NLGN1: variants seen among roughly 807,000 people sequenced by gnomAD.
NLGN1 encodes neuroligin 1, also known as neuroligin-1.
In NLGN1, 12 loss-of-function variants were observed where a neutral mutation model predicts 65.5. The observed-to-expected ratio is 0.18, with a 90% confidence interval of 0.12 to 0.30. The LOEUF (loss-of-function observed/expected upper bound fraction) is 0.30. NLGN1 is among the 10% of genes least tolerant of loss of function. The pLI is 1.00. For missense variants in NLGN1, 750 were observed against 1,007.1 expected, an observed-to-expected ratio of 0.74 and a Z score of 3.46; for synonymous variants, 350 against 359.5, an observed-to-expected ratio of 0.97 and a Z score of 0.30.
intron 3 of NLGN1, among the ~76,000 whole-genome samples, chr3:173,736,604 G>T (rs9881142): frequency 0.021 from 3,125 of 151,864 alleles, 110 homozygotes; most frequent in African/African-American, 0.072. Flanking sequence ...CATCTTTTTA[G>T]AAGGGAGGCT....
intron 2 of NLGN1, among the ~76,000 whole-genome samples, chr3:173,582,122 G>T (rs998680274): frequency 6.6e-6 from 1 of 151,848 alleles, no homozygotes; most frequent in African/African-American, 2.4e-5. Flanking sequence ...GCATCTTTCC[G>T]CAACATCCTT....
intron 1 of NLGN1, among the ~76,000 whole-genome samples, chr3:173,402,574 T>C (rs1001001312): frequency 6.6e-6 from 1 of 152,146 alleles, no homozygotes; most frequent in Non-Finnish European, 1.5e-5. Context: ...AGTTCAAGGA[T>C]GTCATGGCTC....
intron 3 of NLGN1, among the ~76,000 whole-genome samples, chr3:173,666,191 AAT>A (rs754742169): frequency 4.6e-5 from 7 of 151,108 alleles, no homozygotes; most frequent in Admixed American, 6.6e-5. Context: ...TGTTGTAGTA[AAT>A]ATATATATAT....
intron 2 of NLGN1, among the ~76,000 whole-genome samples, chr3:173,471,784 C>G (rs1297556476): frequency 6.6e-6 from 1 of 152,044 alleles, no homozygotes; most frequent in Non-Finnish European, 1.5e-5. Flanking sequence ...TTTCCAGAAC[C>G]TAAGTGTTAA....
At chr3:173,894,414 T>A (rs933007108) in intron 4 of NLGN1, among the ~76,000 whole-genome samples, 1 of 152,108 alleles carries the variant, frequency 6.6e-6, no homozygotes, top group Non-Finnish European at 1.5e-5. Context: ...GTTTTCAACC[T>A]CCTGGGTTGG....
intron 4 of NLGN1, among the ~76,000 whole-genome samples, chr3:174,195,799 C>A (rs5006286): frequency 0.74 from 111,984 of 151,774 alleles, 41,394 homozygotes; most frequent in East Asian, 0.83. Context: ...GAAAAAAAAA[C>A]TGCCTTCTTC....
intron 4 of NLGN1, among the ~76,000 whole-genome samples, chr3:174,212,184 C>A (rs568776350): frequency 1.5e-4 from 23 of 152,324 alleles, no homozygotes; most frequent in African/African-American, 5.5e-4. Flanking sequence ...TGCTGGGGGA[C>A]CCAGTACACC....
intron 4 of NLGN1, among the ~76,000 whole-genome samples, chr3:174,232,107 G>A (rs1442983149): frequency 2.0e-5 from 3 of 152,162 alleles, no homozygotes; most frequent in Admixed American, 6.5e-5. Context: ...GGGTGCAGGC[G>A]GGCTGAGTCC....
chr3:174,086,215 G>GTATATGTATGTGCACATA (rs1743215958), intron 4 of NLGN1, among the ~76,000 whole-genome samples: 1 of 3,026 alleles, frequency 3.3e-4, no homozygotes, highest in African/African-American at 3.4e-3. Context: ...GCGTGTGTGT[G>GTATATGTATGTGCACATA]TATATTTATG....
intron 2 of NLGN1, among the ~76,000 whole-genome samples, chr3:173,482,044 T>C (rs1727384868): frequency 6.6e-6 from 1 of 152,010 alleles, no homozygotes; most frequent in Non-Finnish European, 1.5e-5. Context: ...AATTTGTTTT[T>C]CAAATCCCTC....
chr3:173,606,045 T>C (rs1216666956), intron 3 of NLGN1, among the ~76,000 whole-genome samples: 1 of 152,092 alleles, frequency 6.6e-6, no homozygotes, highest in Non-Finnish European at 1.5e-5. Context: ...GAACACTCTA[T>C]GGACTTTCTC....
At chr3:173,746,603 A>T (rs1406386605) in intron 3 of NLGN1, among the ~76,000 whole-genome samples, 1 of 152,092 alleles carries the variant, frequency 6.6e-6, no homozygotes, top group African/African-American at 2.4e-5. Context: ...CACTAGATTA[A>T]GTCTGATTTG....
intron 3 of NLGN1, among the ~76,000 whole-genome samples, chr3:173,727,949 T>C (rs561925250): frequency 6.6e-6 from 1 of 152,210 alleles, no homozygotes; most frequent in Non-Finnish European, 1.5e-5. Context: ...ATGGATCAGA[T>C]CATAAAAGTC....
chr3:173,610,455 A>G (rs1752109606), intron 3 of NLGN1, among the ~76,000 whole-genome samples: 1 of 151,980 alleles, frequency 6.6e-6, no homozygotes, highest in Non-Finnish European at 1.5e-5. Context: ...TAGAGATATA[A>G]ATTTGGCAGT....
intron 3 of NLGN1, among the ~76,000 whole-genome samples, chr3:173,711,079 T>G (rs1363326373): frequency 6.6e-6 from 1 of 152,178 alleles, no homozygotes; most frequent in African/African-American, 2.4e-5. Flanking sequence ...AGAAGATCCA[T>G]AATTGGTCAT....
At chr3:173,852,783 T>G (rs1727224640) in intron 4 of NLGN1, among the ~76,000 whole-genome samples, 1 of 152,216 alleles carries the variant, frequency 6.6e-6, no homozygotes, top group African/African-American at 2.4e-5. Context: ...TATTCTTGCT[T>G]ACATTTGTAA....
intron 2 of NLGN1, among the ~76,000 whole-genome samples, chr3:173,554,877 G>T (rs995326247): frequency 4.6e-5 from 7 of 152,176 alleles, no homozygotes; most frequent in Non-Finnish European, 7.4e-5. Context: ...AGTACTGTAT[G>T]TGTGAGAGCT....
chr3:173,415,908 G>A, intron 1 of NLGN1, among the ~76,000 whole-genome samples: 1 of 124,730 alleles, frequency 8.0e-6, no homozygotes. Context: ...TATATATAGA[G>A]AGAGAGAGAG....
chr3:173,635,266 G>T (rs1017664176), intron 3 of NLGN1, among the ~76,000 whole-genome samples: 1 of 152,080 alleles, frequency 6.6e-6, no homozygotes, highest in Non-Finnish European at 1.5e-5. Context: ...CTGTGACTCA[G>T]AGATATTAAG....
Sources: allele counts gnomAD v4.1 joint callset (sites outside exome capture counted in the v4.1 genomes callset), GRCh38; gene constraint gnomAD v4.1.1; transcripts MANE v1.5; gene names NCBI Gene and HGNC (gene_info 2026-07-23, HGNC 2026-07-21).